INPP5B: variants seen among roughly 807,000 people sequenced by gnomAD.
The protein encoded by INPP5B is inositol polyphosphate-5-phosphatase B.
A neutral mutation model predicts 118.5 loss-of-function variants in INPP5B; 90 were observed. That is an observed-to-expected ratio of 0.76 (90% CI 0.64 to 0.90). The LOEUF (loss-of-function observed/expected upper bound fraction) is 0.90, where lower values mean the gene tolerates loss of function less well. INPP5B is among the 40% of genes least tolerant of loss of function. INPP5B has a pLI of 0.00. For synonymous variants in INPP5B, 385 were observed against 418.9 expected, an observed-to-expected ratio of 0.92 and a Z score of 0.99; for missense variants, 984 against 1,125.6, an observed-to-expected ratio of 0.87 and a Z score of 1.80.
In INPP5B at chr1:37,943,608, C is replaced by T. The variant is rs566366760; in HGVS notation, c.280+32G>A. The T allele has an allele frequency of 8.3e-5, 134 of 1,612,416 alleles. 1 individual carries two copies. The South Asian group carries it at 8.4e-4, about 10-fold the overall frequency. ...CTCTGAAAATCAGGCACCCCTGCCCCGAGTGGGACCCAGACCAAGAGGACC... is the reference window on the plus strand; with the variant it reads ...CTCTGAAAATCAGGCACCCCTGCCCTGAGTGGGACCCAGACCAAGAGGACC... On this transcript the variant is annotated intron_variant, in intron 5 of 23. Coordinates refer to ENST00000373024, the MANE Select transcript of INPP5B (RefSeq NM_005540.3).
intron 3 of INPP5B, 93 bp downstream of exon 3, chr1:37,945,663 C>A: frequency 1.2e-6 from 1 of 822,338 alleles, no homozygotes; most frequent in Non-Finnish European, 2.0e-6. Flanking sequence ...AGACTCAGAC[C>A]CTGCCCTGGA....
chr1:37,894,478 A>C (rs1643944258), intron 7 of INPP5B, among the ~76,000 whole-genome samples: 1 of 151,994 alleles, frequency 6.6e-6, no homozygotes, highest in Non-Finnish European at 1.5e-5. Context: ...ACCACCCAGC[A>C]CATTATAGGC....
intron 9 of INPP5B, among the ~76,000 whole-genome samples, chr1:37,889,005 C>T (rs926690577): frequency 6.6e-6 from 1 of 152,202 alleles, no homozygotes; most frequent in Non-Finnish European, 1.5e-5. Context: ...ATAATCTCAA[C>T]AATTTGGGAG....
rs1643607655 is a variant in INPP5B at position 37,887,429 on chromosome 1, GA to G, written c.935del (p.Phe312SerfsTer28). 2 of 1,612,326 alleles carry G rather than the reference GA, an allele frequency of 1.2e-6. No homozygotes were observed. The highest frequency in any genetic ancestry group is 1.7e-6 in the Non-Finnish European group (2 of 1,179,354). On this transcript the variant is annotated frameshift_variant, in exon 11 of 24. Transcript: ENST00000373024. LOFTEE classifies it high-confidence loss of function. ...QELDLSKEAF[F>X]FHDTPKEEEW... ...CTTCCTCCTTTGGGGTATCGTGAAA[GA>G]AAAAAGCTTCCTTACTCAGATCAAG...
chr1:37,901,153 TC>T (rs1644318395), intron 7 of INPP5B, among the ~76,000 whole-genome samples: 1 of 152,208 alleles, frequency 6.6e-6, no homozygotes, highest in Non-Finnish European at 1.5e-5. Flanking sequence ...GGATGCCATT[TC>T]CACTAAATCG....
intron 6 of INPP5B, among the ~76,000 whole-genome samples, chr1:37,932,955 CTCTGACTCAAACTA>C (rs1645546521): frequency 6.6e-6 from 1 of 152,304 alleles, no homozygotes; most frequent in East Asian, 1.9e-4. Context: ...GACTCAAACC[CTCTGACTCAAACTA>C]TCTGACTCTG....
In INPP5B at chr1:37,887,443, T is replaced by A. The variant is rs1643608130; in HGVS notation, c.922A>T (p.Lys308Ter). 6.2e-7 allele frequency: 1 copy of A among 1,612,278 alleles called. No individual in the cohort carries two copies. The highest frequency in any genetic ancestry group is 8.5e-7 in the Non-Finnish European group (1 of 1,178,668). ...GTATCGTGAAAGAAAAAAGCTTCCT[T>A]ACTCAGATCAAGCTCCTGGAACCTA... ...CVGFQELDLS[K>*]EAFFFHDTPK... Residue 308 changes from lysine (K) to a stop codon, truncating the protein, a stop_gained, in exon 11 of 24, where the codon AAG becomes TAG. Coordinates refer to ENST00000373024, the MANE Select transcript of INPP5B (RefSeq NM_005540.3). LOFTEE classifies it high-confidence loss of function.
intron 7 of INPP5B, among the ~76,000 whole-genome samples, chr1:37,927,538 TC>T (rs1645277095): frequency 2.0e-5 from 3 of 151,118 alleles, no homozygotes; most frequent in African/African-American, 7.3e-5. Context: ...TCTTTTTCTT[TC>T]TTTTTTTTTT....
chr1:37,894,561 CTTT>C (rs759895009), intron 7 of INPP5B, among the ~76,000 whole-genome samples: 12 of 139,010 alleles, frequency 8.6e-5, no homozygotes, highest in Admixed American at 1.4e-4. Context: ...TTTCTTTTTT[CTTT>C]TTTTTTTTTT....
intron 7 of INPP5B, among the ~76,000 whole-genome samples, chr1:37,913,409 C>T (rs1031465162): frequency 6.6e-6 from 1 of 152,184 alleles, no homozygotes; most frequent in Admixed American, 6.5e-5. Context: ...GCTGAACCCC[C>T]TTGGACACTC....
intron 7 of INPP5B, among the ~76,000 whole-genome samples, chr1:37,927,830 C>G (rs1028172185): frequency 6.6e-6 from 1 of 152,176 alleles, no homozygotes; most frequent in Non-Finnish European, 1.5e-5. Flanking sequence ...AGCCACTGCG[C>G]CCGGCCTCAT....
chr1:37,946,815 G>A (rs949593802), intron 1 of INPP5B, among the ~76,000 whole-genome samples, 175 bp downstream of exon 1: 2 of 152,054 alleles, frequency 1.3e-5, no homozygotes, highest in African/African-American at 4.8e-5. Context: ...TTGGAGACAG[G>A]AAGTGTCCCA....
chr1:37,865,106 G>A (rs1316913990), intron 22 of INPP5B, among the ~76,000 whole-genome samples: 4 of 151,868 alleles, frequency 2.6e-5, no homozygotes, highest in African/African-American at 9.7e-5. Context: ...AGAATCGCTT[G>A]AACCTGGGAG....
intron 15 of INPP5B, among the ~76,000 whole-genome samples, chr1:37,879,587 G>T (rs1030813602): frequency 6.6e-6 from 1 of 151,950 alleles, no homozygotes; most frequent in African/African-American, 2.4e-5. Flanking sequence ...GGCCAACATG[G>T]TGAAACCCTG....
At chr1:37,910,577 G>A (rs1294951071) in intron 7 of INPP5B, among the ~76,000 whole-genome samples, 6 of 150,104 alleles carry the variant, frequency 4.0e-5, no homozygotes, top group South Asian at 4.3e-4. Context: ...CCTTGGCAAC[G>A]GATGATGCAC....
intron 6 of INPP5B, among the ~76,000 whole-genome samples, chr1:37,940,470 G>C (rs751826755): frequency 6.6e-6 from 1 of 152,152 alleles, no homozygotes; most frequent in African/African-American, 2.4e-5. Flanking sequence ...AGAGCAAAGG[G>C]GCCCTGCTGT....
chr1:37,883,891 T>C (rs1223297748), intron 13 of INPP5B: 7 of 972,676 alleles, frequency 7.2e-6, no homozygotes, highest in Non-Finnish European at 8.6e-6. Flanking sequence ...GTGGCGTATG[T>C]TATCATAAAG....
intron 7 of INPP5B, among the ~76,000 whole-genome samples, chr1:37,921,757 C>T (rs1254834124): frequency 6.6e-6 from 1 of 151,926 alleles, no homozygotes; most frequent in Non-Finnish European, 1.5e-5. Context: ...CGCCTGTAAT[C>T]CTAGCACTTT....
chr1:37,905,995 G>A (rs1644490499), intron 7 of INPP5B, among the ~76,000 whole-genome samples: 3 of 152,134 alleles, frequency 2.0e-5, no homozygotes, highest in South Asian at 2.1e-4. Flanking sequence ...CTCAGAATTT[G>A]GAAACTATTT....
Sources: allele counts gnomAD v4.1 joint callset (sites outside exome capture counted in the v4.1 genomes callset), GRCh38; gene constraint gnomAD v4.1.1; transcripts MANE v1.5; gene names NCBI Gene and HGNC (gene_info 2026-07-23, HGNC 2026-07-21).